Variants in HECW1 observed in about 807,000 individuals in gnomAD.
HECW1 encodes the protein HECT, C2 and WW domain containing E3 ubiquitin protein ligase 1, also known as E3 ubiquitin-protein ligase HECW1.
Under a neutral mutation model 182.3 loss-of-function variants are expected in HECW1, and 61 were observed. That is an observed-to-expected ratio of 0.33 (90% CI 0.27 to 0.41). HECW1 has a LOEUF of 0.41. Ranked by LOEUF, HECW1 falls within the 10% of genes least tolerant of loss-of-function variation. The pLI is 1.00. For missense variants in HECW1, 1,739 were observed against 2,108.9 expected, an observed-to-expected ratio of 0.82 and a Z score of 3.44; for synonymous variants, 859 against 832.6, an observed-to-expected ratio of 1.03 and a Z score of -0.55.
rs1419069760 is a variant in HECW1, at chr7:43,508,019, C to T, written c.3754C>T (p.Leu1252Phe). The change falls in exon 23 of 30, where the codon CTC (leucine) becomes TTC (phenylalanine). Residue 1252 changes from leucine (L) to phenylalanine (F), a missense_variant and splice_region_variant. Transcript: ENST00000395891. ...CTCACCACCCCTTCTCCTTCTCAGGCTCATTATTCGCCGGGATCATTTGTT... is the reference window on the plus strand; with the variant it reads ...CTCACCACCCCTTCTCCTTCTCAGGTTCATTATTCGCCGGGATCATTTGTT... ...GFGQGPGKIKLIIRRDHLLEG... is the reference protein window; with the variant it reads ...GFGQGPGKIKFIIRRDHLLEG... The T allele has an allele frequency of 5.6e-6, 9 of 1,611,624 alleles. No homozygotes were observed. The South Asian group carries it at 8.8e-5, about 16-fold the overall frequency.
In HECW1 at chr7:43,184,234, C is replaced by T. The variant is rs193195315; in HGVS notation, c.-31-59641C>T. On this transcript the variant is annotated intron_variant, in intron 2 of 29. Coordinates refer to ENST00000395891, the MANE Select transcript of HECW1 (RefSeq NM_015052.5). Reference sequence around the variant, plus strand: ...TTCACTGTGTTAGCCAGGATGATCTCGATCTCCTGACCTCGTGATCCGCCC... The same window carrying T: ...TTCACTGTGTTAGCCAGGATGATCTTGATCTCCTGACCTCGTGATCCGCCC... Among the ~76,000 whole-genome samples the T allele has an allele frequency of 9.6e-4, 146 of 152,216 alleles. 1 individual carries two copies. The highest frequency in any genetic ancestry group is 3.4e-3 in the African/African-American group (140 of 41,544).
At chr7:43,175,568 T>C (rs941353590) in intron 2 of HECW1, among the ~76,000 whole-genome samples, 1 of 152,178 alleles carries the variant, frequency 6.6e-6, no homozygotes, top group African/African-American at 2.4e-5. Context: ...CGGTGCAGGT[T>C]GTGAATTTCC....
chr7:43,320,820 T>A lies in HECW1; in HGVS notation c.460+78T>A. The A allele has an allele frequency of 3.8e-6, 4 of 1,056,176 alleles. No homozygotes were observed. In the South Asian group the frequency reaches 5.2e-5, roughly 14 times the overall value. 65.4% of individuals were successfully genotyped at this position (1,056,176 alleles called of 1,614,324 possible). A position where few individuals can be genotyped will look rare whatever the true frequency, so the allele number is the denominator to read the frequency against. On this transcript the variant is annotated intron_variant, in intron 5 of 29. Transcript: ENST00000395891. ...CAACTGTTTCATTATTTGTTCCCGT[T>A]GCACTGCCTCCACTAAGAAATGGGC...
Position 43,517,247 on chromosome 7 carries a change from T to C in HECW1, c.4019+8126T>C, listed in dbSNP as rs111838269. Among the ~76,000 whole-genome samples, 13 of 152,284 alleles carry C rather than the reference T, an allele frequency of 8.5e-5. 1 individual carries two copies. The highest frequency in any genetic ancestry group is 3.1e-4 in the African/African-American group (13 of 41,566). On this transcript the variant is annotated intron_variant, in intron 24 of 29. Coordinates refer to ENST00000395891, the MANE Select transcript of HECW1 (RefSeq NM_015052.5). ...GTGGTGACGAATCTAACCTTACAGT[T>C]GTCACAATCAGACATTTTACCACCT...
intron 27 of HECW1, among the ~76,000 whole-genome samples, chr7:43,550,961 G>A (rs1375218691): frequency 6.6e-6 from 1 of 152,184 alleles, no homozygotes; most frequent in Non-Finnish European, 1.5e-5. Flanking sequence ...ACATTGGGGG[G>A]TATTGTCCAC....
intron 3 of HECW1, among the ~76,000 whole-genome samples, chr7:43,309,619 C>T (rs1426276533): frequency 6.6e-6 from 1 of 152,182 alleles, no homozygotes; most frequent in African/African-American, 2.4e-5. Flanking sequence ...ATCATGAATG[C>T]AAATATATCC....
chr7:43,541,286 C>A, intron 25 of HECW1, 25 bp downstream of exon 25: 1 of 1,559,966 alleles, frequency 6.4e-7, no homozygotes, highest in South Asian at 1.1e-5. Context: ...GACCATGCTT[C>A]CAACCCAGCC....
intron 3 of HECW1, among the ~76,000 whole-genome samples, chr7:43,266,090 C>T (rs952812941): frequency 2.0e-5 from 3 of 152,066 alleles, no homozygotes; most frequent in African/African-American, 7.2e-5. Flanking sequence ...TTGATTAAAT[C>T]ACTGGCCATT....
chr7:43,141,709 G>A (rs1223790393), intron 2 of HECW1, among the ~76,000 whole-genome samples: 1 of 152,112 alleles, frequency 6.6e-6, no homozygotes, highest in Non-Finnish European at 1.5e-5. Flanking sequence ...TGTTGGTCAG[G>A]CTGGTCTTGA....
At chr7:43,271,357 A>C (rs760119671) in intron 3 of HECW1, among the ~76,000 whole-genome samples, 3 of 152,210 alleles carry the variant, frequency 2.0e-5, no homozygotes, top group Non-Finnish European at 4.4e-5. Flanking sequence ...GTGCTAGCCA[A>C]AGCAGTTAGG....
chr7:43,274,398 C>A, intron 3 of HECW1: 1 of 635,306 alleles, frequency 1.6e-6, no homozygotes, highest in Non-Finnish European at 2.8e-6. Flanking sequence ...ACTTCAGCGT[C>A]TGGCTGCTCT....
chr7:43,386,538 A>G (rs2074804443), intron 6 of HECW1, among the ~76,000 whole-genome samples: 1 of 152,200 alleles, frequency 6.6e-6, no homozygotes, highest in South Asian at 2.1e-4. Flanking sequence ...CTTACCCTAC[A>G]TGAGCTGCCA....
At chr7:43,456,790 A>G (rs911601052) in intron 13 of HECW1, among the ~76,000 whole-genome samples, 3 of 152,174 alleles carry the variant, frequency 2.0e-5, no homozygotes, top group Non-Finnish European at 4.4e-5. Context: ...CAGGCACTGT[A>G]CCCAAATTAT....
At chr7:43,447,335 A>G (rs1439327439) in intron 11 of HECW1, among the ~76,000 whole-genome samples, 1 of 152,232 alleles carries the variant, frequency 6.6e-6, no homozygotes, top group Non-Finnish European at 1.5e-5. Context: ...TTTACAAACA[A>G]AAAAGTCACA....
At chr7:43,506,519 A>G (rs2079581540) in intron 21 of HECW1, among the ~76,000 whole-genome samples, 1 of 152,226 alleles carries the variant, frequency 6.6e-6, no homozygotes. Context: ...TCTATTTATT[A>G]TAAAAGTCAC....
intron 6 of HECW1, among the ~76,000 whole-genome samples, chr7:43,375,851 C>T (rs1044510246): frequency 6.8e-6 from 1 of 146,542 alleles, no homozygotes; most frequent in African/African-American, 2.5e-5. Flanking sequence ...CATGATCAAA[C>T]CATTGTACTC....
intron 6 of HECW1, among the ~76,000 whole-genome samples, chr7:43,364,466 C>T (rs1209621697): frequency 6.6e-6 from 1 of 152,178 alleles, no homozygotes; most frequent in Non-Finnish European, 1.5e-5. Flanking sequence ...AATTATAATA[C>T]TATATAAAGT....
intron 5 of HECW1, among the ~76,000 whole-genome samples, chr7:43,332,363 C>T (rs1240636096): frequency 6.6e-6 from 1 of 152,176 alleles, no homozygotes; most frequent in African/African-American, 2.4e-5. Flanking sequence ...GGACTGTTAA[C>T]CCATTTTGAT....
At chr7:43,365,937 AT>A (rs1816588471) in intron 6 of HECW1, among the ~76,000 whole-genome samples, 1 of 152,164 alleles carries the variant, frequency 6.6e-6, no homozygotes, top group African/African-American at 2.4e-5. Context: ...CTATAAAAAA[AT>A]AAAAAATAAA....
Sources: allele counts gnomAD v4.1 joint callset (sites outside exome capture counted in the v4.1 genomes callset), GRCh38; gene constraint gnomAD v4.1.1; transcripts MANE v1.5; gene names NCBI Gene and HGNC (gene_info 2026-07-23, HGNC 2026-07-21).